Variants in MYT1L observed in about 807,000 individuals in gnomAD.
The protein encoded by MYT1L is myelin transcription factor 1-like protein.
A neutral mutation model predicts 126.7 loss-of-function variants in MYT1L; 12 were observed. That is an observed-to-expected ratio of 0.09 (90% CI 0.06 to 0.15). MYT1L has a LOEUF of 0.15. Ranked by LOEUF, MYT1L falls within the 10% of genes least tolerant of loss-of-function variation. MYT1L has a pLI of 1.00. For synonymous variants in MYT1L, 541 were observed against 604.2 expected, an observed-to-expected ratio of 0.90 and a Z score of 1.53; for missense variants, 979 against 1,585.2, an observed-to-expected ratio of 0.62 and a Z score of 6.49.
chr2:2,218,349 G>C (rs2093754362), intron 2 of MYT1L, among the ~76,000 whole-genome samples: 1 of 152,212 alleles, frequency 6.6e-6, no homozygotes, highest in Non-Finnish European at 1.5e-5. Context: ...TAAACAAATT[G>C]TGTAATATAC....
chr2:1,862,281 A>G (rs1046102968), intron 18 of MYT1L, among the ~76,000 whole-genome samples: 6 of 152,210 alleles, frequency 3.9e-5, no homozygotes, highest in African/African-American at 1.4e-4. Flanking sequence ...AAAAAAATCA[A>G]AAAATCTTTA....
rs1425465653 is a variant in MYT1L, at chr2:1,922,729, T to C, written c.1040A>G (p.Gln347Arg). ...LARKLSETNP[Q>R]ERNPQQNMNI... Reference sequence around the variant, plus strand: ...CATGTTCTGCTGCGGATTCCTCTCCTGCGGGTTGGTCTCACTGAGCTTCCT... The same window carrying C: ...CATGTTCTGCTGCGGATTCCTCTCCCGCGGGTTGGTCTCACTGAGCTTCCT... Residue 347 changes from glutamine (Q) to arginine (R), a missense_variant, in exon 10 of 25, where the codon CAG becomes CGG. By Grantham distance (43) the Gln-to-Arg change is conservative (BLOSUM62 1). Around this residue, in one of 12 missense-constraint regions of MYT1L, gnomAD observed 243 missense variants for 363.9 expected, o/e 0.67. Coordinates refer to ENST00000647738, the MANE Select transcript of MYT1L (RefSeq NM_001303052.2). This position sits in a 1 kb window ranked among gnomAD's most constrained non-coding sequence, Gnocchi z 7.4. 7 of 1,613,970 alleles carry C rather than the reference T, an allele frequency of 4.3e-6. No individual in the cohort carries two copies. The highest frequency in any genetic ancestry group is 5.9e-6 in the Non-Finnish European group (7 of 1,179,898).
At chr2:2,204,157 C>T (rs1188155226) in intron 2 of MYT1L, among the ~76,000 whole-genome samples, 1 of 152,022 alleles carries the variant, frequency 6.6e-6, no homozygotes, top group Non-Finnish European at 1.5e-5. Context: ...CCATAAAAAC[C>T]CTAGAAGAAA....
At chr2:2,253,139 T>TA (rs891458700) in intron 2 of MYT1L, among the ~76,000 whole-genome samples, 12 of 148,406 alleles carry the variant, frequency 8.1e-5, no homozygotes, top group Admixed American at 1.3e-4. Context: ...AAAAAGAATT[T>TA]AAAAAAAAAA....
At chr2:2,244,686 G>A (rs1004712094) in intron 2 of MYT1L, among the ~76,000 whole-genome samples, 33 of 152,316 alleles carry the variant, frequency 2.2e-4, no homozygotes, top group African/African-American at 7.9e-4. Flanking sequence ...CAGGTGTGGA[G>A]AAGAGGGGAA....
In MYT1L at chr2:1,922,833, T is replaced by C. The variant is rs1256339513; in HGVS notation, c.936A>G (p.Glu312=). The change falls in exon 10 of 25, where the codon GAA becomes GAG. Residue 312 remains glutamate (E), a synonymous_variant. Coordinates refer to ENST00000647738, the MANE Select transcript of MYT1L (RefSeq NM_001303052.2). This position sits in a 1 kb window ranked among gnomAD's most constrained non-coding sequence, Gnocchi z 7.4. ...CCTCATCGCTCTCCTCCACCATCTTTTCCATGAGTCCGTTGTTCATGGGCT... is the reference window on the plus strand; with the variant it reads ...CCTCATCGCTCTCCTCCACCATCTTCTCCATGAGTCCGTTGTTCATGGGCT... ...LGKPMNNGLM[E]KMVEESDEEV... is the part of the protein sequence containing the mutation. 1.2e-6 allele frequency: 2 copies of C among 1,613,912 alleles called. No homozygotes were observed. Among genetic ancestry groups the C allele is most frequent in the Non-Finnish European group, 1.7e-6 (2 of 1,179,912 alleles).
At chr2:1,909,380 G>A (rs2051554791) in intron 13 of MYT1L, among the ~76,000 whole-genome samples, 1 of 152,170 alleles carries the variant, frequency 6.6e-6, no homozygotes, top group South Asian at 2.1e-4. Context: ...TGGCACTGAG[G>A]GGTACATCTG....
At chr2:2,000,316 C>G (rs907859912) in intron 4 of MYT1L, among the ~76,000 whole-genome samples, 5 of 152,168 alleles carry the variant, frequency 3.3e-5, no homozygotes, top group Non-Finnish European at 5.9e-5. Context: ...CAAAATCCCC[C>G]TTTTGTGGCT....
chr2:2,116,992 C>T (rs1404895222), intron 3 of MYT1L, among the ~76,000 whole-genome samples: 1 of 152,326 alleles, frequency 6.6e-6, no homozygotes, highest in South Asian at 2.1e-4. Flanking sequence ...AGTGGGAGAG[C>T]TATGAGAAAG....
intron 1 of MYT1L, among the ~76,000 whole-genome samples, chr2:2,295,617 G>C (rs1239647975): frequency 3.6e-4 from 46 of 129,278 alleles, no homozygotes; most frequent in African/African-American, 1.3e-3. Context: ...GACAGAGAGA[G>C]AGAGAGAGAC....
chr2:2,105,652 A>T (rs1210865375), intron 3 of MYT1L, among the ~76,000 whole-genome samples: 1 of 152,218 alleles, frequency 6.6e-6, no homozygotes, highest in East Asian at 1.9e-4. Context: ...AAACACGTTT[A>T]AAAAGTAAGG....
At chr2:1,859,040 G>A (rs1441486831) in intron 18 of MYT1L, among the ~76,000 whole-genome samples, 1 of 152,200 alleles carries the variant, frequency 6.6e-6, no homozygotes, top group African/African-American at 2.4e-5. Flanking sequence ...GCCTGGGGGA[G>A]GGTGCTCTTG....
intron 8 of MYT1L, among the ~76,000 whole-genome samples, chr2:1,947,248 C>T (rs144244042): frequency 2.3e-4 from 35 of 152,282 alleles, no homozygotes; most frequent in Admixed American, 5.9e-4. Context: ...CTCATTCACA[C>T]GCACAGCCGC....
intron 3 of MYT1L, among the ~76,000 whole-genome samples, chr2:2,104,003 G>C (rs2150507283): frequency 6.6e-6 from 1 of 152,276 alleles, no homozygotes; most frequent in South Asian, 2.1e-4. Context: ...TCTCTATCAG[G>C]GGCTCTCAGT....
chr2:2,312,865 C>A (rs1274906060), intron 1 of MYT1L, among the ~76,000 whole-genome samples: 1 of 151,828 alleles, frequency 6.6e-6, no homozygotes, highest in Non-Finnish European at 1.5e-5. Context: ...AAGGGGGGTT[C>A]TGGCCAGAAG....
chr2:2,220,623 T>C (rs1448966625), intron 2 of MYT1L, among the ~76,000 whole-genome samples: 1 of 152,194 alleles, frequency 6.6e-6, no homozygotes, highest in East Asian at 1.9e-4. Flanking sequence ...GGGCACATTT[T>C]CCCCCACAAA....
intron 3 of MYT1L, among the ~76,000 whole-genome samples, chr2:2,158,128 C>G (rs972964893): frequency 6.6e-6 from 1 of 151,964 alleles, no homozygotes; most frequent in East Asian, 1.9e-4. Context: ...AATCACACAG[C>G]CTTGCAAGAC....
chr2:1,976,554 A>G (rs1281776776), intron 8 of MYT1L, among the ~76,000 whole-genome samples: 1 of 152,186 alleles, frequency 6.6e-6, no homozygotes, highest in Non-Finnish European at 1.5e-5. Context: ...AGGCATGAGA[A>G]TACCTTGAAC....
intron 1 of MYT1L, among the ~76,000 whole-genome samples, chr2:2,316,050 T>A (rs768790819): frequency 9.9e-5 from 15 of 152,214 alleles, no homozygotes; most frequent in Non-Finnish European, 1.8e-4. Flanking sequence ...TGTGTTTGAA[T>A]TTTCTCAGTG....
Sources: allele counts gnomAD v4.1 joint callset (sites outside exome capture counted in the v4.1 genomes callset), GRCh38; gene constraint gnomAD v4.1.1; regional missense constraint gnomAD v4.1.1; non-coding constraint Gnocchi (gnomAD v3.1); transcripts MANE v1.5; gene names NCBI Gene and HGNC (gene_info 2026-07-23, HGNC 2026-07-21).